The following PTPRG variants were observed in gnomAD, a reference collection of about 807,000 sequenced individuals.
The protein encoded by PTPRG is receptor-type tyrosine-protein phosphatase gamma.
PTPRG carries 102 observed loss-of-function variants against 165.3 expected under a neutral mutation model. That is an observed-to-expected ratio of 0.62 (90% CI 0.53 to 0.73). The LOEUF is 0.73. Ranked by LOEUF, PTPRG falls within the 30% of genes least tolerant of loss-of-function variation. The pLI, the probability that PTPRG is intolerant of heterozygous loss-of-function variation, is 0.00. For missense variants in PTPRG, 1,866 were observed against 1,861.4 expected (o/e 1.00, Z -0.05); for synonymous variants, 675 against 669.5 (o/e 1.01, Z -0.13).
chr3:61,638,743 A>G (rs1247615160), intron 1 of PTPRG, among the ~76,000 whole-genome samples: 1 of 151,554 alleles, frequency 6.6e-6, no homozygotes, highest in Admixed American at 6.6e-5. Context: ...CAGCCTTGCC[A>G]TGCCTACTTT....
At chr3:61,767,552 G>A (rs1003291364) in intron 2 of PTPRG, among the ~76,000 whole-genome samples, 1 of 152,168 alleles carries the variant, frequency 6.6e-6, no homozygotes. Flanking sequence ...GCATTTAGAT[G>A]TCTTAAGTTG....
At chr3:61,959,070 C>G (rs73098166) in intron 2 of PTPRG, among the ~76,000 whole-genome samples, 22,926 of 152,158 alleles carry the variant, frequency 0.15, 2,035 homozygotes, top group African/African-American at 0.25. Flanking sequence ...CAGCATCTGT[C>G]AGTCTGATTA....
intron 2 of PTPRG, among the ~76,000 whole-genome samples, chr3:61,778,374 A>G (rs1376209857): frequency 6.6e-6 from 1 of 152,126 alleles, no homozygotes; most frequent in East Asian, 1.9e-4. Flanking sequence ...TGAAGTTACA[A>G]AGCTGCACTC....
chr3:61,936,267 G>A (rs2039482238), intron 2 of PTPRG, among the ~76,000 whole-genome samples: 1 of 152,218 alleles, frequency 6.6e-6, no homozygotes, highest in Non-Finnish European at 1.5e-5. Context: ...GACAGACTAA[G>A]ACAATTACCC....
intron 2 of PTPRG, among the ~76,000 whole-genome samples, chr3:61,981,276 T>A (rs1278988862): frequency 6.6e-6 from 1 of 152,150 alleles, no homozygotes; most frequent in Non-Finnish European, 1.5e-5. Flanking sequence ...CACATGGAGA[T>A]TATGGGAACT....
chr3:61,807,792 T>C (rs1575679943), intron 2 of PTPRG, among the ~76,000 whole-genome samples: 1 of 152,330 alleles, frequency 6.6e-6, no homozygotes, highest in Admixed American at 6.5e-5. Context: ...AATTGTATAT[T>C]GAGACTATTT....
intron 1 of PTPRG, among the ~76,000 whole-genome samples, chr3:61,586,834 G>C (rs1228249848): frequency 6.6e-6 from 1 of 152,216 alleles, no homozygotes; most frequent in African/African-American, 2.4e-5. Flanking sequence ...GGGCTACCGT[G>C]TTCTCTCCCT....
chr3:62,133,223 A>G (rs1485223869), intron 6 of PTPRG, among the ~76,000 whole-genome samples: 4 of 152,232 alleles, frequency 2.6e-5, no homozygotes, highest in African/African-American at 7.2e-5. Context: ...TTTTTATTGG[A>G]AGAATTTCCC....
chr3:61,988,978 C>T (rs1017744640), intron 2 of PTPRG, among the ~76,000 whole-genome samples: 3 of 152,090 alleles, frequency 2.0e-5, no homozygotes, highest in Non-Finnish European at 4.4e-5. Context: ...TATATGAGTA[C>T]AGAGTCCAGT....
chr3:61,752,740 C>T (rs1384620597), intron 2 of PTPRG, among the ~76,000 whole-genome samples: 4 of 122,754 alleles, frequency 3.3e-5, no homozygotes, highest in African/African-American at 6.1e-5. Flanking sequence ...AAGCTGAAAT[C>T]GTGCCACTGT....
chr3:62,049,494 C>G (rs1197297414), intron 4 of PTPRG, among the ~76,000 whole-genome samples: 9 of 152,136 alleles, frequency 5.9e-5, no homozygotes, highest in Admixed American at 5.9e-4. Flanking sequence ...CTCGCTGTTT[C>G]ATGTAATCAA....
At chr3:61,743,152 T>C in intron 1 of PTPRG, 1 of 999,762 alleles carries the variant, frequency 1.0e-6, no homozygotes, top group Non-Finnish European at 1.5e-6. Context: ...TCTGGTAATA[T>C]TTTTATCTTT....
rs143289097 is a variant in PTPRG, at chr3:61,830,000, G to T, written c.190+81018G>T. Among the ~76,000 whole-genome samples the T allele has an allele frequency of 8.0e-3, 1,225 of 152,328 alleles. 26 individuals carry two copies. Among genetic ancestry groups the T allele is most frequent in the Non-Finnish European group, 7.2e-3 (487 of 68,022 alleles). ...TCCTCCACATGGTGGATAGCTCACA[G>T]AAAAGAAGAGGAGAAACCTTTGCAT... is the stretch of plus-strand genomic sequence containing the variant. On this transcript the variant is annotated intron_variant, in intron 2 of 29. Coordinates refer to ENST00000474889, the MANE Select transcript of PTPRG (RefSeq NM_002841.4).
chr3:61,945,820 C>T lies in PTPRG; in HGVS notation c.191-43805C>T, dbSNP rs145645154. Among the ~76,000 whole-genome samples, 436 of 152,268 alleles carry T rather than the reference C, an allele frequency of 2.9e-3. 1 individual carries two copies. Among genetic ancestry groups the T allele is most frequent in the African/African-American group, 9.4e-3 (389 of 41,558 alleles). On this transcript the variant is annotated intron_variant, in intron 2 of 29. Coordinates refer to ENST00000474889, the MANE Select transcript of PTPRG (RefSeq NM_002841.4). ...GAGAACTCTGAATATAAAATGAATACTGACAGTGACTCTGAGAGGAGGCAT... is the reference window on the plus strand; with the variant it reads ...GAGAACTCTGAATATAAAATGAATATTGACAGTGACTCTGAGAGGAGGCAT...
intron 1 of PTPRG, among the ~76,000 whole-genome samples, chr3:61,678,626 T>G (rs1703320067): frequency 6.6e-6 from 1 of 152,092 alleles, no homozygotes; most frequent in Non-Finnish European, 1.5e-5. Flanking sequence ...GGCCGAGAGA[T>G]CAACGTGAAT....
chr3:61,884,543 A>G (rs1407879789), intron 2 of PTPRG, among the ~76,000 whole-genome samples: 1 of 152,234 alleles, frequency 6.6e-6, no homozygotes, highest in African/African-American at 2.4e-5. Flanking sequence ...TTTAAGGTGA[A>G]TCAAGAAAAG....
chr3:61,770,567 C>G (rs2107020490), intron 2 of PTPRG: 1 of 152,252 alleles, frequency 6.6e-6, no homozygotes, highest in African/African-American at 2.4e-5. Flanking sequence ...TTTTTCTCAA[C>G]TTTGCATATA....
intron 2 of PTPRG, among the ~76,000 whole-genome samples, chr3:61,765,504 A>T (rs1455141112): frequency 6.6e-6 from 1 of 152,166 alleles, no homozygotes; most frequent in African/African-American, 2.4e-5. Context: ...ACCCTAAAGG[A>T]TCAGCTGGCC....
intron 6 of PTPRG, among the ~76,000 whole-genome samples, chr3:62,139,930 T>C (rs1475589985): frequency 6.6e-6 from 1 of 152,246 alleles, no homozygotes; most frequent in Non-Finnish European, 1.5e-5. Context: ...GCCAAGCATT[T>C]CCAGAGAGTG....
Sources: gnomAD v4.1 joint callset for allele counts (sites outside exome capture counted in the v4.1 genomes callset) on GRCh38, gnomAD v4.1.1 for gene constraint, MANE v1.5 for transcripts, NCBI Gene and HGNC (gene_info 2026-07-23, HGNC 2026-07-21) for gene names.